P2RY14: variants seen among roughly 807,000 people sequenced by gnomAD.
P2RY14 encodes P2Y purinoceptor 14.
In P2RY14, 2 loss-of-function variants were observed where a neutral mutation model predicts 0.9. That is an observed-to-expected ratio of 2.16 (90% CI 0.88 to 6.79). The LOEUF (loss-of-function observed/expected upper bound fraction) is 6.79. P2RY14 is among the 30% of genes most tolerant of loss of function. The pLI is 0.05. For synonymous variants in P2RY14, 158 were observed against 147.2 expected (o/e 1.07, Z -0.53); for missense variants, 378 against 400.1 (o/e 0.94, Z 0.47).
chr3:151,264,766 C>T (rs754839825), intron 1 of P2RY14, among the ~76,000 whole-genome samples: 3 of 151,988 alleles, frequency 2.0e-5, no homozygotes, highest in Non-Finnish European at 4.4e-5. Context: ...CCACCCAGTG[C>T]GTGTGTGTGT....
At chr3:151,254,747 A>G (rs1577137661) in intron 1 of P2RY14, among the ~76,000 whole-genome samples, 1 of 152,188 alleles carries the variant, frequency 6.6e-6, no homozygotes, top group African/African-American at 2.4e-5. Context: ...CGTGTTGACA[A>G]ATGTGCTTGT....
intron 1 of P2RY14, 117 bp from the exon 2 acceptor site, chr3:151,219,759 A>T (rs1728956722): frequency 6.6e-6 from 1 of 152,072 alleles, no homozygotes; most frequent in African/African-American, 2.4e-5. Flanking sequence ...ATATTTCAAC[A>T]TGTGCATTTG....
At chr3:151,261,832 C>A (rs1299956502) in intron 1 of P2RY14, among the ~76,000 whole-genome samples, 3 of 152,122 alleles carry the variant, frequency 2.0e-5, no homozygotes, top group Non-Finnish European at 4.4e-5. Flanking sequence ...TCAATACATT[C>A]TTGTGCCTCA....
intron 1 of P2RY14, among the ~76,000 whole-genome samples, chr3:151,277,354 C>A (rs539916383): frequency 6.6e-6 from 1 of 152,212 alleles, no homozygotes; most frequent in South Asian, 2.1e-4. Context: ...GTTTACAAAT[C>A]ATAAAATATG....
chr3:151,238,656 C>G (rs930672747), intron 1 of P2RY14, among the ~76,000 whole-genome samples: 2 of 151,444 alleles, frequency 1.3e-5, no homozygotes, highest in African/African-American at 4.9e-5. Context: ...CTCAACTGTT[C>G]ATTGCATTTT....
chr3:151,248,574 C>T (rs957575997), intron 1 of P2RY14, among the ~76,000 whole-genome samples: 7 of 152,142 alleles, frequency 4.6e-5, no homozygotes, highest in African/African-American at 9.6e-5. Context: ...CATACCCATC[C>T]GACTGTCTGG....
intron 1 of P2RY14, among the ~76,000 whole-genome samples, chr3:151,260,605 T>C (rs531467267): frequency 6.6e-6 from 1 of 152,230 alleles, no homozygotes; most frequent in African/African-American, 2.4e-5. Flanking sequence ...CCTGCCACAG[T>C]CTACCAACAT....
At chr3:151,267,146 A>G (rs1026224541) in intron 1 of P2RY14, among the ~76,000 whole-genome samples, 3 of 152,228 alleles carry the variant, frequency 2.0e-5, no homozygotes, top group East Asian at 3.8e-4. Context: ...GACTGTTTAC[A>G]GGAACTATCA....
At chr3:151,273,533 G>A (rs1022100190) in intron 1 of P2RY14, among the ~76,000 whole-genome samples, 3 of 151,346 alleles carry the variant, frequency 2.0e-5, no homozygotes, top group African/African-American at 7.3e-5. Flanking sequence ...GAGCCACTGC[G>A]CCCGGCCTGA....
rs777585045 is a variant in P2RY14 at position 151,213,906 on chromosome 3, G to A, written c.411C>T (p.Tyr137=). 1.9e-6 allele frequency: 3 copies of A among 1,613,986 alleles called. No homozygotes were observed. The highest frequency in any genetic ancestry group is 1.7e-6 in the Non-Finnish European group (2 of 1,179,982). The change falls in exon 3 of 3, where the codon TAC becomes TAT. Residue 137 remains tyrosine, a synonymous_variant. Transcript: ENST00000309170. ...LWTSFIQSVS[Y]SKLLSVIVWM... ...ATACTATCACTGACAGAAGTTTGCT[G>A]TAACTCACTGACTGGATGAAAGAAG...
In P2RY14 at chr3:151,213,714, C is replaced by T. The variant is rs1727601816; in HGVS notation, c.603G>A (p.Leu201=). The T allele has an allele frequency of 6.2e-7, 1 of 1,614,020 alleles. No individual in the cohort carries two copies. The highest frequency in any genetic ancestry group is 1.7e-5 in the Admixed American group (1 of 59,998). The change falls in exon 3 of 3, where the codon TTG becomes TTA. Residue 201 remains leucine (L), a synonymous_variant. Coordinates refer to ENST00000309170, the MANE Select transcript of P2RY14 (RefSeq NM_014879.4). Reference sequence around the variant, plus strand: ...TGATAGCAGTATAGAAAACGATTAACAAAAGAAACACAATCCAGAAGATGG... The same window carrying T: ...TGATAGCAGTATAGAAAACGATTAATAAAAGAAACACAATCCAGAAGATGG... ...FVAIFWIVFL[L]LIVFYTAITK...
intron 1 of P2RY14, among the ~76,000 whole-genome samples, chr3:151,270,880 T>C (rs1740816881): frequency 6.6e-6 from 1 of 152,234 alleles, no homozygotes; most frequent in South Asian, 2.1e-4. Flanking sequence ...CATTCTCTGT[T>C]GTACTTTTGT....
intron 1 of P2RY14, among the ~76,000 whole-genome samples, chr3:151,221,256 G>A (rs1309199567): frequency 2.0e-5 from 3 of 152,186 alleles, no homozygotes; most frequent in Non-Finnish European, 4.4e-5. Flanking sequence ...TATAAGGGAA[G>A]CAGAGCTTAA....
chr3:151,217,510 T>G (rs1728476438), intron 2 of P2RY14, among the ~76,000 whole-genome samples: 1 of 152,170 alleles, frequency 6.6e-6, no homozygotes, highest in Non-Finnish European at 1.5e-5. Flanking sequence ...CCTCCTGAAA[T>G]GGAGTGAATG....
intron 1 of P2RY14, among the ~76,000 whole-genome samples, chr3:151,225,504 G>GATAGTAATA: frequency 6.6e-6 from 1 of 152,196 alleles, no homozygotes; most frequent in African/African-American, 2.4e-5. Context: ...TGCTCACGAG[G>GATAGTAATA]CCTTTGCTAT....
At chr3:151,229,962 T>TTTTTTTG (rs1731308115) in intron 1 of P2RY14, among the ~76,000 whole-genome samples, 1 of 151,886 alleles carries the variant, frequency 6.6e-6, no homozygotes, top group Admixed American at 6.6e-5. Flanking sequence ...TTGGGATCTG[T>TTTTTTTG]TTTTTTGTTT....
intron 1 of P2RY14, among the ~76,000 whole-genome samples, chr3:151,263,404 C>A (rs554884790): frequency 2.0e-5 from 3 of 152,190 alleles, no homozygotes; most frequent in Admixed American, 2.0e-4. Flanking sequence ...GTGGTGTTCA[C>A]AATTTGCTAT....
chr3:151,236,566 A>T (rs1420930762), intron 1 of P2RY14, among the ~76,000 whole-genome samples: 6 of 152,112 alleles, frequency 3.9e-5, no homozygotes, highest in Non-Finnish European at 7.4e-5. Context: ...TCCCACCCCC[A>T]TGCCATCTCT....
intron 1 of P2RY14, among the ~76,000 whole-genome samples, chr3:151,263,180 T>A (rs1038642172): frequency 6.6e-6 from 1 of 152,094 alleles, no homozygotes. Context: ...GCCCTGTGCT[T>A]TTAGGATGGC....
Sources: gnomAD v4.1 joint callset for allele counts (sites outside exome capture counted in the v4.1 genomes callset) on GRCh38, gnomAD v4.1.1 for gene constraint, MANE v1.5 for transcripts, NCBI Gene and HGNC (gene_info 2026-07-23, HGNC 2026-07-21) for gene names.